RIMBP2: variants seen among roughly 807,000 people sequenced by gnomAD.
RIMBP2 encodes the protein RIMS-binding protein 2.
Under a neutral mutation model 118.6 loss-of-function variants are expected in RIMBP2, and 48 were observed. The ratio of observed to expected loss-of-function variants is 0.40; its 90% confidence interval spans 0.32 to 0.51. RIMBP2 has a LOEUF of 0.51. RIMBP2 is among the 20% of genes least tolerant of loss of function. The pLI is 0.41. For synonymous variants in RIMBP2, 762 were observed against 742.9 expected (o/e 1.03, Z -0.42); for missense variants, 1,551 against 1,768.3 (o/e 0.88, Z 2.20).
At chr12:130,414,509 T>C in intron 17 of RIMBP2, 1 of 483,162 alleles carries the variant, frequency 2.1e-6, no homozygotes, top group Non-Finnish European at 3.6e-6. Context: ...CCACACTCTG[T>C]ACCTGGCCAC....
At chr12:130,667,206 GGAGT>G (rs2063991002) in intron 1 of RIMBP2, 1 of 149,808 alleles carries the variant, frequency 6.7e-6, no homozygotes, top group Admixed American at 6.6e-5. Context: ...AGTGAGGGAG[GGAGT>G]GAGGGAGGGA....
rs766417985 is a variant in RIMBP2 at position 130,447,774 on chromosome 12, C to T, written c.581+2426G>A. On this transcript the variant is annotated intron_variant, in intron 9 of 22. Transcript: ENST00000690449. This position sits in a 1 kb window ranked among gnomAD's most constrained non-coding sequence, Gnocchi z 4.4. ...AAGGACCCAGGAGCCCTCAGCAAGGCGTTCCCCACGGCGGAGGCTGCACCA... is the reference window on the plus strand; with the variant it reads ...AAGGACCCAGGAGCCCTCAGCAAGGTGTTCCCCACGGCGGAGGCTGCACCA... Among the ~76,000 whole-genome samples, 5 of 152,166 alleles carry T rather than the reference C, an allele frequency of 3.3e-5. No homozygotes were observed. Among genetic ancestry groups the T allele is most frequent in the African/African-American group, 9.7e-5 (4 of 41,444 alleles).
chr12:130,445,063 T>C (rs1175183506), intron 10 of RIMBP2, 97 bp downstream of exon 10: 1 of 751,808 alleles, frequency 1.3e-6, no homozygotes, highest in South Asian at 2.0e-5. Flanking sequence ...CAGGAGTATG[T>C]TGGGAGCCCT....
chr12:130,481,425 T>C (rs1433966038), intron 4 of RIMBP2, among the ~76,000 whole-genome samples: 2 of 152,100 alleles, frequency 1.3e-5, no homozygotes, highest in African/African-American at 4.8e-5. Flanking sequence ...TCCCGGCCCG[T>C]GTTTCAGGCA....
chr12:130,560,881 AC>A lies in RIMBP2; in HGVS notation c.-216-42965del, dbSNP rs548601499. On this transcript the variant is annotated intron_variant, in intron 2 of 22. Transcript: ENST00000690449. ...CAAATTCATCTGTTAAAGGTCTAAA[AC>A]CCCCAGAACCTCAGAACATGATGTT... Among the ~76,000 whole-genome samples the A allele has an allele frequency of 4.6e-3, 707 of 152,110 alleles. 1 individual carries two copies. The highest frequency in any genetic ancestry group is 0.016 in the African/African-American group (679 of 41,488).
At chr12:130,436,236 C>A (rs1354662038) in intron 13 of RIMBP2, among the ~76,000 whole-genome samples, 2 of 152,200 alleles carry the variant, frequency 1.3e-5, no homozygotes, top group African/African-American at 4.8e-5. Flanking sequence ...CATGCCCTAC[C>A]ACAATCCACA....
intron 2 of RIMBP2, among the ~76,000 whole-genome samples, chr12:130,522,636 G>A (rs1051025662): frequency 2.6e-5 from 4 of 152,220 alleles, no homozygotes; most frequent in African/African-American, 4.8e-5. Flanking sequence ...CTGGACTTGT[G>A]CAGAGTCCAA....
chr12:130,514,211 G>A (rs1307905358), intron 3 of RIMBP2, among the ~76,000 whole-genome samples: 1 of 152,256 alleles, frequency 6.6e-6, no homozygotes, highest in Non-Finnish European at 1.5e-5. Context: ...TCCATGCCGG[G>A]TGAGCTGCTG....
At chr12:130,646,169 AC>A in intron 1 of RIMBP2, among the ~76,000 whole-genome samples, 1 of 68,304 alleles carries the variant, frequency 1.5e-5, no homozygotes, top group African/African-American at 4.5e-5. Context: ...CTCCCTCACC[AC>A]CTGCCTCTCC....
chr12:130,654,981 A>T (rs973588522), intron 1 of RIMBP2, among the ~76,000 whole-genome samples: 2 of 152,230 alleles, frequency 1.3e-5, no homozygotes, highest in Non-Finnish European at 2.9e-5. Context: ...GCCATTCATG[A>T]GGGACCTGCT....
At chr12:130,430,648 T>TTTTA (rs2077093420) in intron 14 of RIMBP2, 2 of 142,190 alleles carry the variant, frequency 1.4e-5, no homozygotes, top group African/African-American at 5.3e-5. Context: ...TTTTTTTTTT[T>TTTTA]GAGATGGAGT....
chr12:130,526,231 T>G (rs557958217), intron 2 of RIMBP2, among the ~76,000 whole-genome samples: 2 of 152,286 alleles, frequency 1.3e-5, no homozygotes, highest in African/African-American at 2.4e-5. Context: ...AGGAACAATT[T>G]TGTACCCTAT....
chr12:130,481,448 G>A (rs1046298360), intron 4 of RIMBP2, among the ~76,000 whole-genome samples: 7 of 152,070 alleles, frequency 4.6e-5, no homozygotes, highest in African/African-American at 1.2e-4. Flanking sequence ...GCAACCTCAC[G>A]TGCTGGTTCA....
In RIMBP2 at chr12:130,425,321, G is replaced by A. The variant is rs549383401; in HGVS notation, c.2413-463C>T. On this transcript the variant is annotated intron_variant, in intron 15 of 22. Coordinates refer to ENST00000690449, the MANE Select transcript of RIMBP2 (RefSeq NM_001393629.1). ...GTTCACCAGACACGGAGCCTGACCC[G>A]TCCCTGTCCATCCACTGGGCCAACT... 298 of 155,618 alleles carry A rather than the reference G, an allele frequency of 1.9e-3. 1 individual carries two copies. Among genetic ancestry groups the A allele is most frequent in the Middle Eastern group, 3.3e-3 (1 of 302 alleles). The allele number at this position is 155,618 out of a possible 1,614,324, so 9.6% of individuals were successfully genotyped here. A position where few individuals can be genotyped will look rare whatever the true frequency, so the allele number is the denominator to read the frequency against.
chr12:130,556,957 A>G (rs1055026314), intron 2 of RIMBP2, among the ~76,000 whole-genome samples: 2 of 152,124 alleles, frequency 1.3e-5, no homozygotes, highest in African/African-American at 4.8e-5. Context: ...ATATCCTGTT[A>G]TGGGTTAAAT....
In RIMBP2 at chr12:130,523,220, C is replaced by T; in HGVS notation, c.-216-5303G>A. Reference sequence around the variant, plus strand: ...CTCTGTGTTGGGGGGGGTTTCTCTGCCTCCATCTCTCTCTGTCCCCTACCC... The same window carrying T: ...CTCTGTGTTGGGGGGGGTTTCTCTGTCTCCATCTCTCTCTGTCCCCTACCC... On this transcript the variant is annotated intron_variant, in intron 2 of 22. Coordinates refer to ENST00000690449, the MANE Select transcript of RIMBP2 (RefSeq NM_001393629.1). The surrounding 1 kb of genome is among the most constrained non-coding windows in gnomAD (Gnocchi z 4.4). 6.6e-6 allele frequency among the ~76,000 whole-genome samples: 1 copy of T among 152,068 alleles called. No homozygotes were observed. The highest frequency in any genetic ancestry group is 1.9e-4 in the East Asian group (1 of 5,190).
At position 130,442,617 on chromosome 12, in the gene RIMBP2, GA is replaced by G; in HGVS notation, c.734del (p.Phe245SerfsTer46). 6.2e-7 allele frequency: 1 copy of G among 1,614,202 alleles called. No individual in the cohort carries two copies. Among genetic ancestry groups the G allele is most frequent in the Non-Finnish European group, 8.5e-7 (1 of 1,180,046 alleles). On this transcript the variant is annotated frameshift_variant, in exon 11 of 23. Coordinates refer to ENST00000690449, the MANE Select transcript of RIMBP2 (RefSeq NM_001393629.1). LOFTEE classifies it high-confidence loss of function. The surrounding 1 kb of genome is among the most constrained non-coding windows in gnomAD (Gnocchi z 6.9). ...DGQRGLVPSN[F>X]VDFVQDNESR... ...ACTCGTTGTCCTGCACAAAGTCCAC[GA>G]AGTTGGAGGGCACCAGACCCCTCTG...
chr12:130,648,868 C>T (rs1295983814), intron 1 of RIMBP2, among the ~76,000 whole-genome samples: 2 of 145,648 alleles, frequency 1.4e-5, no homozygotes, highest in Admixed American at 6.9e-5. Flanking sequence ...GTTGGTCAGG[C>T]TGGTCTCGAA....
intron 1 of RIMBP2, among the ~76,000 whole-genome samples, chr12:130,638,430 G>T (rs1188787555): frequency 6.6e-6 from 1 of 152,218 alleles, no homozygotes; most frequent in Non-Finnish European, 1.5e-5. Context: ...GAAGCCCCGA[G>T]CTGCGGGCTA....
Sources: gnomAD v4.1 joint callset for allele counts (sites outside exome capture counted in the v4.1 genomes callset) on GRCh38, gnomAD v4.1.1 for gene constraint, Gnocchi (gnomAD v3.1) non-coding constraint, MANE v1.5 for transcripts, NCBI Gene and HGNC (gene_info 2026-07-23, HGNC 2026-07-21) for gene names.